Variants in UTRN observed in about 807,000 individuals in gnomAD.
UTRN encodes utrophin.
Under a neutral mutation model 463.9 loss-of-function variants are expected in UTRN, and 283 were observed. The ratio of observed to expected loss-of-function variants is 0.61; its 90% CI spans 0.55 to 0.67. UTRN has a LOEUF of 0.67. Among genes scored for constraint, UTRN ranks in the 30% least tolerant of loss-of-function variants. The pLI is 0.00. For synonymous variants in UTRN, 1,442 were observed against 1,431.5 expected (o/e 1.01, Z -0.17); for missense variants, 3,922 against 4,084.3 (o/e 0.96, Z 1.08).
intron 63 of UTRN, among the ~76,000 whole-genome samples, chr6:144,796,053 A>C (rs1438561864): frequency 6.6e-6 from 1 of 152,072 alleles, no homozygotes; most frequent in Non-Finnish European, 1.5e-5. Flanking sequence ...TAGGTCTTAC[A>C]TTTAAGTCTT....
At chr6:144,484,899 A>G (rs1257978220) in intron 27 of UTRN, among the ~76,000 whole-genome samples, 3 of 151,640 alleles carry the variant, frequency 2.0e-5, no homozygotes, top group Admixed American at 1.3e-4. Flanking sequence ...CTGGTCTCAT[A>G]TGATTTTGTT....
chr6:144,723,421 A>G (rs573056524), intron 53 of UTRN, among the ~76,000 whole-genome samples: 2 of 152,336 alleles, frequency 1.3e-5, no homozygotes, highest in East Asian at 3.9e-4. Flanking sequence ...CCCATAATTT[A>G]TTATGCTCAA....
chr6:144,344,129 A>T, intron 2 of UTRN: 1 of 1,233,430 alleles, frequency 8.1e-7, no homozygotes, highest in South Asian at 1.4e-5. Context: ...AACACAGGAC[A>T]TCCCAGTGTG....
At chr6:144,447,418 C>T (rs1196285178) in intron 15 of UTRN, 100 bp downstream of exon 15, 6 of 1,311,260 alleles carry the variant, frequency 4.6e-6, no homozygotes, top group Non-Finnish European at 6.4e-6. Flanking sequence ...GATTACAGCT[C>T]ATTACCTAGC....
intron 74 of UTRN, among the ~76,000 whole-genome samples, chr6:144,848,511 A>G (rs187757675): frequency 6.6e-6 from 1 of 152,334 alleles, no homozygotes; most frequent in East Asian, 1.9e-4. Context: ...AGACAGAAAT[A>G]AAGATGGGAG....
intron 26 of UTRN, among the ~76,000 whole-genome samples, chr6:144,481,580 G>C (rs1245384578): frequency 6.6e-6 from 1 of 152,196 alleles, no homozygotes; most frequent in Non-Finnish European, 1.5e-5. Context: ...CAGCCCTCCA[G>C]TGATAATGAA....
chr6:144,306,462 G>A (rs79390170), intron 2 of UTRN, among the ~76,000 whole-genome samples: 9,160 of 152,046 alleles, frequency 0.06, 898 homozygotes, highest in African/African-American at 0.21. Context: ...ACATGGTGGT[G>A]GTCTTCAGAT....
At chr6:144,330,967 A>G (rs1776291898) in intron 2 of UTRN, 3 of 985,282 alleles carry the variant, frequency 3.0e-6, no homozygotes, top group Non-Finnish European at 3.6e-6. Flanking sequence ...CCGACGAGAA[A>G]TGGAAGTGAG....
chr6:144,773,578 GA>G (rs1458395716), intron 59 of UTRN, among the ~76,000 whole-genome samples: 1 of 152,190 alleles, frequency 6.6e-6, no homozygotes, highest in Non-Finnish European at 1.5e-5. Context: ...CCTGACATGA[GA>G]ACCTTCAGAA....
Position 144,771,978 on chromosome 6 carries a change from A to G in UTRN, c.8557+10A>G, listed in dbSNP as rs759448539. 9.4e-6 allele frequency: 11 copies of G among 1,166,466 alleles called. No individual in the cohort carries two copies. In the Admixed American group the frequency reaches 2.6e-4, roughly 28 times the overall value. The allele number at this position is 1,166,466 out of a possible 1,614,324, so 72.3% of individuals were successfully genotyped here. ...CTCTTTCAATCCCTTGGTAAGTGTT[A>G]TTAATAGTAATAAATTAACCTAAAC... is the stretch of plus-strand genomic sequence containing the variant. On this transcript the variant is annotated intron_variant, in intron 59 of 74. Transcript: ENST00000367545.
chr6:144,691,546 C>T (rs767705665), intron 52 of UTRN, among the ~76,000 whole-genome samples: 26 of 152,104 alleles, frequency 1.7e-4, no homozygotes, highest in Admixed American at 3.9e-4. Context: ...TACTTAAACC[C>T]TTCCTCTTTT....
At chr6:144,379,331 G>C (rs992139433) in intron 2 of UTRN, among the ~76,000 whole-genome samples, 1 of 152,218 alleles carries the variant, frequency 6.6e-6, no homozygotes, top group Non-Finnish European at 1.5e-5. Flanking sequence ...TCCAGGGTCT[G>C]TCATGAGATT....
At chr6:144,638,008 T>C (rs1777366176) in intron 51 of UTRN, among the ~76,000 whole-genome samples, 1 of 152,240 alleles carries the variant, frequency 6.6e-6, no homozygotes, top group East Asian at 1.9e-4. Flanking sequence ...CATCAGACAT[T>C]GTTAGACACT....
intron 32 of UTRN, among the ~76,000 whole-genome samples, chr6:144,492,774 T>C (rs1321882938): frequency 6.6e-6 from 1 of 152,226 alleles, no homozygotes; most frequent in African/African-American, 2.4e-5. Context: ...TGTTTACTTA[T>C]AGTTATATAC....
At chr6:144,691,058 A>T (rs559656018) in intron 52 of UTRN, among the ~76,000 whole-genome samples, 6 of 152,202 alleles carry the variant, frequency 3.9e-5, no homozygotes, top group Non-Finnish European at 7.3e-5. Context: ...CCAATTCAAC[A>T]TCTAGGGAAA....
rs541674374 is a variant in UTRN at position 144,484,988 on chromosome 6, C to G, written c.3688-397C>G. ...GGAATGCAGTGGTGCAATCTCAGCT[C>G]ACCGCAACCTCCGCCTCCCGGGTTC... On this transcript the variant is annotated intron_variant, in intron 27 of 74. Coordinates refer to ENST00000367545, the MANE Select transcript of UTRN (RefSeq NM_007124.3). 1.5e-4 allele frequency among the ~76,000 whole-genome samples: 23 copies of G among 152,106 alleles called. No homozygotes were observed. The South Asian group carries it at 4.8e-3, about 32-fold the overall frequency.
Position 144,494,068 on chromosome 6 carries a change from C to T in UTRN, c.4593+612C>T, listed in dbSNP as rs76274125. ...TATACTTTCAATGGCTACTGATATT[C>T]CATAAATTATTCTAAGGATACTACA... On this transcript the variant is annotated intron_variant, in intron 33 of 74. Coordinates refer to ENST00000367545, the MANE Select transcript of UTRN (RefSeq NM_007124.3). Among the ~76,000 whole-genome samples the T allele has an allele frequency of 4.7e-3, 715 of 152,168 alleles. 6 individuals carry two copies. The highest frequency in any genetic ancestry group is 0.01 in the Middle Eastern group (3 of 294).
intron 17 of UTRN, among the ~76,000 whole-genome samples, chr6:144,449,661 T>C (rs1324926315): frequency 2.0e-5 from 3 of 152,210 alleles, no homozygotes; most frequent in Non-Finnish European, 4.4e-5. Flanking sequence ...CCTCACATTT[T>C]ACAGGGAAAA....
chr6:144,379,597 G>A (rs1780737275), intron 2 of UTRN, among the ~76,000 whole-genome samples: 1 of 152,166 alleles, frequency 6.6e-6, no homozygotes, highest in African/African-American at 2.4e-5. Flanking sequence ...AATACTTTTA[G>A]TCTCAAAAGT....
Sources: allele counts gnomAD v4.1 joint callset (sites outside exome capture counted in the v4.1 genomes callset), GRCh38; gene constraint gnomAD v4.1.1; transcripts MANE v1.5; gene names NCBI Gene and HGNC (gene_info 2026-07-23, HGNC 2026-07-21).